The following PRUNE2 variants were observed in gnomAD, a reference collection of about 807,000 sequenced individuals.
PRUNE2 encodes prune homolog 2 with BCH domain.
A neutral mutation model predicts 252.0 loss-of-function variants in PRUNE2; 164 were observed. The observed-to-expected ratio is 0.65, with a 90% CI of 0.57 to 0.74. PRUNE2 has a LOEUF of 0.74. Ranked by LOEUF, PRUNE2 falls within the 30% of genes least tolerant of loss-of-function variation. The probability of loss-of-function intolerance (pLI) is 0.00; values close to 1 mark genes in which losing one functional copy is unlikely to be tolerated. For missense variants in PRUNE2, 3,495 were observed against 3,711.0 expected (o/e 0.94, Z 1.51); for synonymous variants, 1,292 against 1,350.2 (o/e 0.96, Z 0.94).
Position 76,614,138 on chromosome 9 carries a change from C to T in PRUNE2, c.*432G>A, listed in dbSNP as rs1261910512. 6.2e-6 allele frequency: 1 copy of T among 160,638 alleles called. No individual in the cohort carries two copies. Among genetic ancestry groups the T allele is most frequent in the Non-Finnish European group, 1.4e-5 (1 of 74,012 alleles). 10.0% of individuals were successfully genotyped at this position (160,638 alleles called of 1,614,324 possible). ...TAAAGGTGGAGTCAAACAGGGGAAACTTTCCTGGGGAGAGTTGAGACCTGT... is the reference window on the plus strand; with the variant it reads ...TAAAGGTGGAGTCAAACAGGGGAAATTTTCCTGGGGAGAGTTGAGACCTGT... On this transcript the variant is annotated 3_prime_UTR_variant, in exon 19 of 19. Transcript: ENST00000376718.
chr9:76,649,076 C>G (rs527761191), intron 11 of PRUNE2, among the ~76,000 whole-genome samples: 55 of 152,290 alleles, frequency 3.6e-4, no homozygotes, highest in African/African-American at 1.3e-3. Flanking sequence ...GAAACAGGTA[C>G]AGGAAAACTC....
chr9:76,679,055 G>T (rs2043132299), intron 9 of PRUNE2, among the ~76,000 whole-genome samples: 1 of 152,144 alleles, frequency 6.6e-6, no homozygotes, highest in African/African-American at 2.4e-5. Flanking sequence ...TCTTGGCTCT[G>T]ACCTTTTAAA....
intron 6 of PRUNE2, among the ~76,000 whole-genome samples, chr9:76,760,986 T>C (rs775066321): frequency 3.3e-5 from 5 of 149,838 alleles, no homozygotes; most frequent in Admixed American, 6.7e-5. Context: ...CTTGGGAGGC[T>C]GAGGCACGAG....
At chr9:76,877,924 C>T (rs1045948523) in intron 1 of PRUNE2, among the ~76,000 whole-genome samples, 4 of 152,120 alleles carry the variant, frequency 2.6e-5, no homozygotes, top group Non-Finnish European at 1.5e-5. Flanking sequence ...TGACCCTAAG[C>T]GGTAGAGATG....
Position 76,708,595 on chromosome 9 carries a change from T to C in PRUNE2, c.3679A>G (p.Lys1227Glu). The change falls in exon 8 of 19, where the codon AAA becomes GAA. Residue 1227 changes from lysine to glutamate, a missense_variant. Transcript: ENST00000376718. ...GGTAACATGAATGATGACATGTCTT[T>C]ATCTCTCATGACAGAATCCCAAATA... is the stretch of plus-strand genomic sequence containing the variant. ...NSIWDSVMRD[K>E]DMSSFMLPGS... is the part of the protein sequence containing the mutation. 2 of 1,613,922 alleles carry C rather than the reference T, an allele frequency of 1.2e-6. No individual in the cohort carries two copies. The highest frequency in any genetic ancestry group is 1.7e-6 in the Non-Finnish European group (2 of 1,179,842).
chr9:76,782,845 G>C (rs2054567300), intron 6 of PRUNE2: 2 of 152,226 alleles, frequency 1.3e-5, no homozygotes, highest in South Asian at 4.1e-4. Context: ...GAGTTACATG[G>C]TAGAACGAAG....
At chr9:76,700,826 A>T (rs1015231880) in intron 9 of PRUNE2, among the ~76,000 whole-genome samples, 2 of 151,978 alleles carry the variant, frequency 1.3e-5, no homozygotes, top group Admixed American at 6.6e-5. Flanking sequence ...TTATTTCCTC[A>T]CTTGTATAAT....
In PRUNE2 at chr9:76,705,522, A is replaced by G. The variant is rs2046249358; in HGVS notation, c.6752T>C (p.Ile2251Thr). 6.2e-7 allele frequency: 1 copy of G among 1,614,064 alleles called. No homozygotes were observed. ...EPTPEGDGSW[I>T]SDSFSPESQP... ...ACTTTCAGGAGAAAAGCTGTCTGAT[A>G]TCCAAGAACCGTCACCTTCTGGAGT... The change falls in exon 8 of 19, where the codon ATA becomes ACA. Residue 2251 changes from isoleucine (I) to threonine (T), a missense_variant. Transcript: ENST00000376718.
chr9:76,648,835 G>T (rs1846009340), intron 11 of PRUNE2, among the ~76,000 whole-genome samples: 1 of 152,208 alleles, frequency 6.6e-6, no homozygotes, highest in African/African-American at 2.4e-5. Context: ...CAACTGGGCT[G>T]AGCCCCCTAC....
chr9:76,882,259 C>T (rs12001271), intron 1 of PRUNE2, among the ~76,000 whole-genome samples: 2,538 of 152,022 alleles, frequency 0.017, 77 homozygotes, highest in African/African-American at 0.057. Context: ...GAGGCAACTC[C>T]CCCAAATACT....
At chr9:76,847,279 C>G (rs1254223752) in intron 3 of PRUNE2, among the ~76,000 whole-genome samples, 3 of 151,280 alleles carry the variant, frequency 2.0e-5, no homozygotes, top group Non-Finnish European at 4.4e-5. Flanking sequence ...TGAGCCAAGA[C>G]CGTGCCACTG....
At chr9:76,641,520 G>T (rs1483838508) in intron 12 of PRUNE2, among the ~76,000 whole-genome samples, 1 of 152,068 alleles carries the variant, frequency 6.6e-6, no homozygotes, top group Admixed American at 6.5e-5. Context: ...GAATGCATAG[G>T]ATCAATCACT....
intron 7 of PRUNE2, among the ~76,000 whole-genome samples, chr9:76,712,680 G>C (rs963117960): frequency 1.4e-4 from 21 of 152,240 alleles, no homozygotes; most frequent in African/African-American, 3.9e-4. Context: ...TCCCTGGGAA[G>C]CCAGTGACCA....
In PRUNE2 at chr9:76,859,693, G is replaced by A. The variant is rs138100971; in HGVS notation, c.37-5485C>T. On this transcript the variant is annotated intron_variant, in intron 1 of 18. Coordinates refer to ENST00000376718, the MANE Select transcript of PRUNE2 (RefSeq NM_015225.3). ...AATTCAGAGGCTAGGGTGCTTGTTT[G>A]TTTGTTTGTTTGTTTGTTTGTTTGT... 4.6e-3 allele frequency among the ~76,000 whole-genome samples: 688 copies of A among 148,510 alleles called. 5 individuals are homozygous for A. The highest frequency in any genetic ancestry group is 7.6e-3 in the Non-Finnish European group (511 of 67,314).
At chr9:76,867,783 G>A (rs940910589) in intron 1 of PRUNE2, among the ~76,000 whole-genome samples, 8 of 152,132 alleles carry the variant, frequency 5.3e-5, no homozygotes, top group African/African-American at 1.9e-4. Flanking sequence ...ATGTTGGTCA[G>A]GTTGGTCTCG....
chr9:76,739,600 C>G (rs1330261387), intron 6 of PRUNE2: 3 of 151,524 alleles, frequency 2.0e-5, no homozygotes, highest in African/African-American at 4.9e-5. Context: ...TGAATCAACC[C>G]AAGTGAAGCC....
At chr9:76,633,998 G>C (rs1838879587) in intron 15 of PRUNE2, among the ~76,000 whole-genome samples, 1 of 152,074 alleles carries the variant, frequency 6.6e-6, no homozygotes, top group Non-Finnish European at 1.5e-5. Context: ...TATAGTCCCA[G>C]CTACTCAGGA....
At chr9:76,635,233 A>G (rs10046811) in intron 15 of PRUNE2, among the ~76,000 whole-genome samples, 1,543 of 152,230 alleles carry the variant, frequency 0.01, 25 homozygotes, top group African/African-American at 0.035. Context: ...TGGCCTCCCA[A>G]ACTGCTGGGA....
At chr9:76,782,498 A>G (rs2054521977) in intron 6 of PRUNE2, among the ~76,000 whole-genome samples, 1 of 152,226 alleles carries the variant, frequency 6.6e-6, no homozygotes, top group African/African-American at 2.4e-5. Context: ...AGACAACTAC[A>G]GCATCTTCTT....
Sources: allele counts gnomAD v4.1 joint callset (sites outside exome capture counted in the v4.1 genomes callset), GRCh38; gene constraint gnomAD v4.1.1; transcripts MANE v1.5; gene names NCBI Gene and HGNC (gene_info 2026-07-23, HGNC 2026-07-21).